SAMHD1: variants seen among roughly 807,000 people sequenced by gnomAD.
The protein encoded by SAMHD1 is deoxynucleoside triphosphate triphosphohydrolase SAMHD1.
A neutral mutation model predicts 79.6 loss-of-function variants in SAMHD1; 54 were observed. The observed-to-expected ratio is 0.68, with a 90% CI of 0.55 to 0.85. SAMHD1 has a LOEUF of 0.85. SAMHD1 is among the 40% of genes least tolerant of loss of function. The pLI is 0.00. For synonymous variants in SAMHD1, 260 were observed against 264.1 expected (o/e 0.98, Z 0.15); for missense variants, 663 against 782.7 (o/e 0.85, Z 1.82).
At chr20:36,946,633 T>C in intron 2 of SAMHD1, 105 bp downstream of exon 2, 2 of 842,158 alleles carry the variant, frequency 2.4e-6, no homozygotes, top group Non-Finnish European at 2.0e-6. Flanking sequence ...AAGCACTTCA[T>C]AGATTTAAAA....
chr20:36,943,639 G>C (rs1406025357), intron 2 of SAMHD1, among the ~76,000 whole-genome samples: 1 of 152,090 alleles, frequency 6.6e-6, no homozygotes, highest in African/African-American at 2.4e-5. Context: ...AATAGCACTT[G>C]GGTCCACAAA....
chr20:36,896,612 G>A (rs944846622), intron 15 of SAMHD1, among the ~76,000 whole-genome samples: 25 of 151,866 alleles, frequency 1.6e-4, no homozygotes, highest in Non-Finnish European at 2.6e-4. Context: ...CGAGGTGGGC[G>A]GATCACGAGG....
intron 2 of SAMHD1, 121 bp from the exon 3 acceptor site, chr20:36,941,232 C>G: frequency 2.7e-6 from 2 of 733,798 alleles, no homozygotes; most frequent in South Asian, 3.0e-5. Flanking sequence ...TTGGAAGGAA[C>G]AATCAATAAT....
chr20:36,951,424 C>T lies in SAMHD1; in HGVS notation c.208+12G>A, dbSNP rs200586933. The T allele has an allele frequency of 8.1e-5, 130 of 1,613,334 alleles. No individual in the cohort carries two copies. In the African/African-American group the frequency reaches 1.5e-3, roughly 19 times the overall value. Reference sequence around the variant, plus strand: ...GCCGCCCTTCGCCCCTCAGCCCCTCCGGAGCCGCTACCTCGGATGTTCTTC... The same window carrying T: ...GCCGCCCTTCGCCCCTCAGCCCCTCTGGAGCCGCTACCTCGGATGTTCTTC... On this transcript the variant is annotated intron_variant, in intron 1 of 15. Transcript: ENST00000646673.
rs1459382184 is a variant in SAMHD1 at position 36,916,804 on chromosome 20, T to C, written c.980A>G (p.Asn327Ser). ...ARDCHHLGIQ[N>S]NFDYKRFIKF... Reference sequence around the variant, plus strand: ...AATAAAGCGCTTGTAATCAAAATTATTTTGGATTCCAAGATGATGGCAGTC... The same window carrying C: ...AATAAAGCGCTTGTAATCAAAATTACTTTGGATTCCAAGATGATGGCAGTC... The change falls in exon 9 of 16, where the codon AAT (asparagine) becomes AGT (serine). Residue 327 changes from asparagine to serine, a missense_variant. Coordinates refer to ENST00000646673, the MANE Select transcript of SAMHD1 (RefSeq NM_015474.4). 5.6e-6 allele frequency: 9 copies of C among 1,614,018 alleles called. No individual in the cohort carries two copies. Among genetic ancestry groups the C allele is most frequent in the Non-Finnish European group, 7.6e-6 (9 of 1,179,910 alleles).
intron 12 of SAMHD1, chr20:36,904,514 C>T (rs1024644308): frequency 3.2e-5 from 13 of 403,964 alleles, no homozygotes; most frequent in Non-Finnish European, 5.6e-5. Flanking sequence ...GTCGGGAGTT[C>T]GAGACCAGCC....
At chr20:36,893,971 C>T (rs1990144023) in intron 15 of SAMHD1, 1 of 398,428 alleles carries the variant, frequency 2.5e-6, no homozygotes, top group Admixed American at 4.4e-5. Context: ...TTTTTTCTCT[C>T]CCTACCTCCT....
chr20:36,917,693 A>G (rs975010400), intron 7 of SAMHD1, among the ~76,000 whole-genome samples: 3 of 152,124 alleles, frequency 2.0e-5, no homozygotes, highest in African/African-American at 7.2e-5. Context: ...TAATAAACTA[A>G]CAATGCTTGA....
chr20:36,904,219 C>A lies in SAMHD1; in HGVS notation c.1441G>T (p.Ala481Ser). 6.2e-7 allele frequency: 1 copy of A among 1,613,696 alleles called. No homozygotes were observed. Among genetic ancestry groups the A allele is most frequent in the Non-Finnish European group, 8.5e-7 (1 of 1,179,636 alleles). Residue 481 changes from alanine to serine, a missense_variant, in exon 13 of 16, where the codon GCC (alanine) becomes TCC (serine). Ala to Ser is a moderately conservative substitution (Grantham distance 99). Coordinates refer to ENST00000646673, the MANE Select transcript of SAMHD1 (RefSeq NM_015474.4). ...EDYESLPKEV[A>S]SAKPKVLLDV... The stretch of plus-strand genomic sequence containing the variant: ...AGCAATACTTTGGGTTTAGCACTGG[C>A]AACCTCTTTTGGAAGAGATTCATAG...
chr20:36,942,957 G>GA (rs1464281542), intron 2 of SAMHD1, among the ~76,000 whole-genome samples: 5 of 152,066 alleles, frequency 3.3e-5, no homozygotes, highest in Non-Finnish European at 7.4e-5. Flanking sequence ...CGCCTGGCCT[G>GA]TTTCTTACTT....
intron 11 of SAMHD1, among the ~76,000 whole-genome samples, chr20:36,909,256 C>A (rs2063422717): frequency 6.6e-6 from 1 of 152,106 alleles, no homozygotes; most frequent in Non-Finnish European, 1.5e-5. Context: ...GCCACCGTGC[C>A]CGGCCCAATT....
chr20:36,935,477 T>C (rs562431163), intron 3 of SAMHD1: 1 of 413,970 alleles, frequency 2.4e-6, no homozygotes, highest in Non-Finnish European at 4.5e-6. Context: ...TTTAATAAGT[T>C]TGTCTTGTAT....
intron 3 of SAMHD1, among the ~76,000 whole-genome samples, chr20:36,935,814 G>A (rs73620244): frequency 6.6e-6 from 1 of 151,938 alleles, no homozygotes; most frequent in East Asian, 1.9e-4. Context: ...CAAGTGATCC[G>A]CCCACCTCGG....
chr20:36,898,889 C>T (rs1288776581), intron 13 of SAMHD1, among the ~76,000 whole-genome samples: 8 of 121,034 alleles, frequency 6.6e-5, no homozygotes, highest in South Asian at 2.6e-4. Context: ...TCCAGCCTGG[C>T]GACAGAGTGA....
At chr20:36,922,388 A>C (rs2063511465) in intron 6 of SAMHD1, among the ~76,000 whole-genome samples, 1 of 152,294 alleles carries the variant, frequency 6.6e-6, no homozygotes. Flanking sequence ...GTATTTCAAC[A>C]ATTTACATTC....
At chr20:36,930,982 A>C in intron 4 of SAMHD1, 107 bp from the exon 5 acceptor site, 1 of 768,034 alleles carries the variant, frequency 1.3e-6, no homozygotes, top group Non-Finnish European at 2.3e-6. Context: ...ACATACCTTT[A>C]GGGCAACTTT....
In SAMHD1 at chr20:36,916,976, T is replaced by C. The variant is rs2063480245; in HGVS notation, c.926A>G (p.Asp309Gly). Reference sequence around the variant, plus strand: ...GGCAAAATAATCCCATTTGTCCACATCAATGCCATTTCTTTTATTAGATAC... The same window carrying C: ...GGCAAAATAATCCCATTTGTCCACACCAATGCCATTTCTTTTATTAGATAC... ...EIVSNKRNGI[D>G]VDKWDYFARD... The change falls in exon 8 of 16, where the codon GAT becomes GGT. Residue 309 changes from aspartate (D) to glycine (G), a missense_variant. By Grantham distance (94) the Asp-to-Gly change is moderately conservative. Transcript: ENST00000646673. The C allele has an allele frequency of 6.2e-7, 1 of 1,613,896 alleles. No individual in the cohort carries two copies. Among genetic ancestry groups the C allele is most frequent in the Admixed American group, 1.7e-5 (1 of 60,022 alleles).
At chr20:36,931,043 C>CA (rs1169289220) in intron 4 of SAMHD1, 168 bp from the exon 5 acceptor site, 12 of 652,738 alleles carry the variant, frequency 1.8e-5, no homozygotes, top group Non-Finnish European at 3.1e-5. Context: ...AACGGAATCC[C>CA]AAAAGCAGGA....
intron 11 of SAMHD1, among the ~76,000 whole-genome samples, chr20:36,907,848 A>T (rs1033620405): frequency 2.7e-5 from 4 of 149,754 alleles, no homozygotes; most frequent in African/African-American, 9.8e-5. Context: ...AGCTTGTTCA[A>T]TTTTTTTTTT....
Sources: gnomAD v4.1 joint callset for allele counts (sites outside exome capture counted in the v4.1 genomes callset) on GRCh38, gnomAD v4.1.1 for gene constraint, MANE v1.5 for transcripts, NCBI Gene and HGNC (gene_info 2026-07-23, HGNC 2026-07-21) for gene names.